PTPRD: variants seen among roughly 807,000 people sequenced by gnomAD.
PTPRD encodes protein tyrosine phosphatase receptor type D.
Under a neutral mutation model 214.5 loss-of-function variants are expected in PTPRD, and 34 were observed. The observed-to-expected ratio is 0.16, with a 90% CI of 0.12 to 0.21. The LOEUF is 0.21. Among genes scored for constraint, PTPRD ranks in the 10% least tolerant of loss-of-function variants. PTPRD has a pLI of 1.00. For synonymous variants in PTPRD, 1,128 were observed against 845.7 expected, an observed-to-expected ratio of 1.33 and a Z score of -5.79; for missense variants, 2,545 against 2,398.7, an observed-to-expected ratio of 1.06 and a Z score of -1.27.
At chr9:9,175,155 C>A (rs960956966) in intron 10 of PTPRD, among the ~76,000 whole-genome samples, 3 of 152,036 alleles carry the variant, frequency 2.0e-5, no homozygotes, top group Non-Finnish European at 4.4e-5. Context: ...TTATATGCCA[C>A]CCAGTCTAAG....
intron 4 of PTPRD, among the ~76,000 whole-genome samples, chr9:9,954,507 T>C (rs531551337): frequency 2.7e-4 from 41 of 151,940 alleles, no homozygotes; most frequent in Admixed American, 1.3e-3. Context: ...ACTTATAAAA[T>C]ACATAATCAG....
chr9:9,434,266 G>T lies in PTPRD; in HGVS notation c.-236-36784C>A, dbSNP rs913945645. The stretch of plus-strand genomic sequence containing the variant: ...GAATAAAAACAATCTTAACCTTAGG[G>T]TTCTCTGTATTTAAAATAGCTTATT... On this transcript the variant is annotated intron_variant, in intron 8 of 45. Transcript: ENST00000381196. 7.9e-5 allele frequency among the ~76,000 whole-genome samples: 12 copies of T among 152,204 alleles called. 1 individual carries two copies. The South Asian group carries it at 2.5e-3, about 32-fold the overall frequency.
intron 4 of PTPRD, among the ~76,000 whole-genome samples, chr9:9,956,296 A>C (rs984334241): frequency 1.3e-5 from 2 of 151,656 alleles, no homozygotes; most frequent in Non-Finnish European, 2.9e-5. Flanking sequence ...AAAAAAAAAA[A>C]ACTCTACCAA....
rs149172952 is a variant in PTPRD, at chr9:8,453,250, G to A, written c.3876-3413C>T. Among the ~76,000 whole-genome samples, 649 of 152,254 alleles carry A rather than the reference G, an allele frequency of 4.3e-3. 4 individuals carry two copies. Among genetic ancestry groups the A allele is most frequent in the African/African-American group, 0.014 (586 of 41,552 alleles). ...GCGATCTCGGCTCACTGCAAGCTCTGCCTCCCGGGTTCATGCCATTCTCCT... is the reference window on the plus strand; with the variant it reads ...GCGATCTCGGCTCACTGCAAGCTCTACCTCCCGGGTTCATGCCATTCTCCT... On this transcript the variant is annotated intron_variant, in intron 33 of 45. Transcript: ENST00000381196.
intron 35 of PTPRD, 124 bp from the exon 36 acceptor site, chr9:8,404,784 G>A (rs987744126): frequency 8.3e-7 from 1 of 1,203,444 alleles, no homozygotes; most frequent in African/African-American, 1.5e-5. Flanking sequence ...TCATCAAGAT[G>A]ATCCTAACTG....
At chr9:9,246,460 A>G (rs533676291) in intron 9 of PTPRD, among the ~76,000 whole-genome samples, 25 of 152,084 alleles carry the variant, frequency 1.6e-4, no homozygotes, top group Non-Finnish European at 1.5e-5. Flanking sequence ...TGCAAACTGC[A>G]AACTAGAAAA....
At chr9:10,361,891 G>C (rs962151866) in intron 2 of PTPRD, among the ~76,000 whole-genome samples, 4 of 152,178 alleles carry the variant, frequency 2.6e-5, no homozygotes, top group African/African-American at 7.2e-5. Flanking sequence ...GCAAGGCTCA[G>C]AGCAAATTAG....
intron 4 of PTPRD, among the ~76,000 whole-genome samples, chr9:9,960,904 C>T (rs1051693312): frequency 5.9e-5 from 9 of 152,048 alleles, no homozygotes; most frequent in African/African-American, 1.9e-4. Flanking sequence ...TTTTTGCAAT[C>T]TACTCATCTG....
At chr9:9,098,313 G>C (rs140680680) in intron 10 of PTPRD, among the ~76,000 whole-genome samples, 1 of 152,110 alleles carries the variant, frequency 6.6e-6, no homozygotes. Context: ...CTGAAGTGCA[G>C]TGGTGTGCTG....
rs561141793 is a variant in PTPRD at position 9,731,430 on chromosome 9, G to A, written c.-287+3103C>T. Among the ~76,000 whole-genome samples the A allele has an allele frequency of 6.0e-5, 9 of 150,104 alleles. No individual in the cohort carries two copies. In the South Asian group the frequency reaches 1.9e-3, roughly 32 times the overall value. The stretch of plus-strand genomic sequence containing the variant: ...TTGTTTTCTTTCAAAATGATAACTA[G>A]AAGCAAGCAATTCTAGAAATGGAAA... On this transcript the variant is annotated intron_variant, in intron 7 of 45. Coordinates refer to ENST00000381196, the MANE Select transcript of PTPRD (RefSeq NM_002839.4).
At chr9:9,521,727 AG>A (rs2154255189) in intron 8 of PTPRD, among the ~76,000 whole-genome samples, 1 of 152,338 alleles carries the variant, frequency 6.6e-6, no homozygotes, top group East Asian at 1.9e-4. Context: ...AAAAAGGAAA[AG>A]GTTAACAAAG....
chr9:8,421,313 C>T (rs1192111283), intron 35 of PTPRD, among the ~76,000 whole-genome samples: 1 of 150,532 alleles, frequency 6.6e-6, no homozygotes, highest in Non-Finnish European at 1.5e-5. Flanking sequence ...TGGCTTTTCT[C>T]TTCCTTCTTT....
intron 7 of PTPRD, among the ~76,000 whole-genome samples, chr9:9,699,371 C>T (rs1047255723): frequency 4.6e-5 from 7 of 152,016 alleles, no homozygotes; most frequent in African/African-American, 1.7e-4. Flanking sequence ...ATTTTTAAAA[C>T]TTGTGGATTT....
At chr9:10,031,282 G>A (rs1369099560) in intron 4 of PTPRD, among the ~76,000 whole-genome samples, 1 of 152,000 alleles carries the variant, frequency 6.6e-6, no homozygotes, top group Non-Finnish European at 1.5e-5. Flanking sequence ...CGATTGGATT[G>A]AAGGATGCAA....
intron 10 of PTPRD, among the ~76,000 whole-genome samples, chr9:9,152,520 G>T (rs932479783): frequency 6.6e-6 from 1 of 152,030 alleles, no homozygotes; most frequent in African/African-American, 2.4e-5. Context: ...CAAGATTAAT[G>T]GTAAAGACAA....
chr9:8,346,633 G>C (rs1857909990), intron 39 of PTPRD, among the ~76,000 whole-genome samples: 1 of 152,052 alleles, frequency 6.6e-6, no homozygotes, highest in Admixed American at 6.6e-5. Context: ...AGCCATCTCG[G>C]TTATCCGATG....
At chr9:9,314,207 A>G (rs1961104720) in intron 9 of PTPRD, among the ~76,000 whole-genome samples, 2 of 152,106 alleles carry the variant, frequency 1.3e-5, no homozygotes, top group African/African-American at 4.8e-5. Flanking sequence ...CTCCTGGAAT[A>G]AAAAGAGGAC....
intron 8 of PTPRD, among the ~76,000 whole-genome samples, chr9:9,404,738 G>T (rs2072559519): frequency 6.6e-6 from 1 of 152,044 alleles, no homozygotes. Flanking sequence ...TTATCACAGA[G>T]AACATGTATG....
At chr9:10,049,141 G>T (rs879553566) in intron 3 of PTPRD, among the ~76,000 whole-genome samples, 2 of 152,142 alleles carry the variant, frequency 1.3e-5, no homozygotes, top group Non-Finnish European at 2.9e-5. Flanking sequence ...TTGGCAGCTA[G>T]AGCAGACACT....
Sources: allele counts gnomAD v4.1 joint callset (sites outside exome capture counted in the v4.1 genomes callset), GRCh38; gene constraint gnomAD v4.1.1; transcripts MANE v1.5; gene names NCBI Gene and HGNC (gene_info 2026-07-23, HGNC 2026-07-21).